KIAA1328: variants seen among roughly 807,000 people sequenced by gnomAD.
The protein encoded by KIAA1328 is KIAA1328.
In KIAA1328, 52 loss-of-function variants were observed where a neutral mutation model predicts 68.1. The observed-to-expected ratio is 0.76, with a 90% CI of 0.61 to 0.96. KIAA1328 has a LOEUF of 0.96. KIAA1328 is among the 40% of genes least tolerant of loss of function. The pLI is 0.00. For missense variants in KIAA1328, 641 were observed against 677.6 expected, an observed-to-expected ratio of 0.95 and a Z score of 0.60; for synonymous variants, 232 against 239.4, an observed-to-expected ratio of 0.97 and a Z score of 0.28.
At chr18:37,115,724 G>T (rs999060980) in intron 7 of KIAA1328, among the ~76,000 whole-genome samples, 1 of 152,206 alleles carries the variant, frequency 6.6e-6, no homozygotes, top group Non-Finnish European at 1.5e-5. Context: ...AAGTCAAATT[G>T]TCCCTGTTTG....
intron 7 of KIAA1328, among the ~76,000 whole-genome samples, chr18:37,089,015 G>C (rs979119910): frequency 6.6e-6 from 1 of 151,830 alleles, no homozygotes; most frequent in Non-Finnish European, 1.5e-5. Flanking sequence ...GTATATATTT[G>C]AAATCAAATT....
In KIAA1328 at chr18:37,067,285, C is replaced by G. The variant is rs776573185; in HGVS notation, c.972C>G (p.Thr324=). 1 of 1,613,964 alleles carries G rather than the reference C, an allele frequency of 6.2e-7. No homozygotes were observed. The highest frequency in any genetic ancestry group is 2.2e-5 in the East Asian group (1 of 44,886). ...RVHDSHPTNM[T]PQHPKTHPES... ...ATGACAGCCATCCTACAAACATGAC[C>G]CCTCAACATCCTAAGACACATCCAG... The change falls in exon 7 of 10, where the codon ACC becomes ACG. Residue 324 remains threonine (T), a synonymous_variant. Transcript: ENST00000280020.
intron 7 of KIAA1328, among the ~76,000 whole-genome samples, chr18:37,098,022 G>T (rs184479298): frequency 6.6e-6 from 1 of 152,306 alleles, no homozygotes; most frequent in East Asian, 1.9e-4. Flanking sequence ...TCTGCAAACA[G>T]GGACAATTTG....
intron 7 of KIAA1328, among the ~76,000 whole-genome samples, chr18:37,121,502 C>T (rs943840958): frequency 4.6e-5 from 7 of 151,824 alleles, no homozygotes; most frequent in Non-Finnish European, 1.0e-4. Context: ...TTACAAATAA[C>T]CAATTGAGAC....
intron 6 of KIAA1328, among the ~76,000 whole-genome samples, chr18:36,973,609 C>T (rs577159391): frequency 2.0e-5 from 3 of 152,046 alleles, no homozygotes; most frequent in East Asian, 1.9e-4. Context: ...TAAAATTGTG[C>T]GTACCCATTC....
intron 9 of KIAA1328, among the ~76,000 whole-genome samples, chr18:37,175,454 G>T (rs533705517): frequency 1.3e-5 from 2 of 152,232 alleles, no homozygotes; most frequent in African/African-American, 4.8e-5. Context: ...CCTTAATACT[G>T]CAGATCAGCT....
At chr18:37,139,535 C>T (rs1476112044) in intron 7 of KIAA1328, among the ~76,000 whole-genome samples, 2 of 152,072 alleles carry the variant, frequency 1.3e-5, no homozygotes, top group Non-Finnish European at 2.9e-5. Context: ...ATTATTGGAC[C>T]TGCCTTTGCT....
chr18:37,084,846 TTG>T (rs1381179209), intron 7 of KIAA1328, among the ~76,000 whole-genome samples: 1 of 152,242 alleles, frequency 6.6e-6, no homozygotes, highest in Admixed American at 6.5e-5. Flanking sequence ...CCAAACTGTT[TTG>T]TGTGATTGCT....
At chr18:36,966,494 A>C (rs2051944225) in intron 6 of KIAA1328, among the ~76,000 whole-genome samples, 1 of 152,226 alleles carries the variant, frequency 6.6e-6, no homozygotes, top group Non-Finnish European at 1.5e-5. Context: ...GCTATATTAG[A>C]GTGAATTTTC....
Position 36,982,149 on chromosome 18 carries a change from AT to A in KIAA1328, c.576+22715del, listed in dbSNP as rs901299804. Among the ~76,000 whole-genome samples, 15 of 56,022 alleles carry A rather than the reference AT, an allele frequency of 2.7e-4. No individual in the cohort carries two copies. In the East Asian group the frequency reaches 4.5e-3, roughly 17 times the overall value. 36.8% of individuals were successfully genotyped at this position (56,022 alleles called of 152,430 possible). A position where few individuals can be genotyped will look rare whatever the true frequency, so the allele number is the denominator to read the frequency against. Reference sequence around the variant, plus strand: ...ATATATTATAAAAATATAAATAAATATATATAATATATATATATAATATATA... The same window carrying A: ...ATATATTATAAAAATATAAATAAATAATATAATATATATATATAATATATA... On this transcript the variant is annotated intron_variant, in intron 6 of 9. Coordinates refer to ENST00000280020, the MANE Select transcript of KIAA1328 (RefSeq NM_020776.3).
At chr18:37,050,323 A>G (rs931924939) in intron 6 of KIAA1328, among the ~76,000 whole-genome samples, 3 of 152,032 alleles carry the variant, frequency 2.0e-5, no homozygotes, top group African/African-American at 7.2e-5. Context: ...AGTTGGCTTT[A>G]TTCTCCTTTA....
chr18:36,980,348 C>T (rs2052634311), intron 6 of KIAA1328, among the ~76,000 whole-genome samples: 1 of 152,096 alleles, frequency 6.6e-6, no homozygotes, highest in Non-Finnish European at 1.5e-5. Flanking sequence ...TCCCTTCCCA[C>T]AAGGGACAGA....
At chr18:37,186,307 C>T (rs959245287) in intron 9 of KIAA1328, among the ~76,000 whole-genome samples, 3 of 151,586 alleles carry the variant, frequency 2.0e-5, no homozygotes, top group Non-Finnish European at 4.4e-5. Flanking sequence ...TGCAGTGGCT[C>T]ACGCTCCCAA....
chr18:37,066,661 A>G (rs933013195), intron 6 of KIAA1328, among the ~76,000 whole-genome samples: 2 of 152,226 alleles, frequency 1.3e-5, no homozygotes, highest in African/African-American at 4.8e-5. Flanking sequence ...TGTAGCAGCA[A>G]CTTATTTTTC....
At position 36,871,126 on chromosome 18, in the gene KIAA1328, G is replaced by A. The variant is rs193103326; in HGVS notation, c.333-14431G>A. On this transcript the variant is annotated intron_variant, in intron 4 of 9. Coordinates refer to ENST00000280020, the MANE Select transcript of KIAA1328 (RefSeq NM_020776.3). ...AATTGAGAAGGAATATCTGGCCCAC[G>A]TGAAGGGAAGTTATGCCTAGAGGAA... 3.6e-4 allele frequency among the ~76,000 whole-genome samples: 55 copies of A among 152,254 alleles called. No individual in the cohort carries two copies. The South Asian group carries it at 0.011, about 30-fold the overall frequency.
intron 6 of KIAA1328, among the ~76,000 whole-genome samples, chr18:36,977,089 G>A (rs1174853564): frequency 6.6e-6 from 1 of 152,138 alleles, no homozygotes; most frequent in African/African-American, 2.4e-5. Flanking sequence ...GAGGCAGCAC[G>A]TTTAGAGAAT....
chr18:36,982,292 T>A (rs1023972778), intron 6 of KIAA1328, among the ~76,000 whole-genome samples: 7 of 150,594 alleles, frequency 4.6e-5, no homozygotes, highest in Non-Finnish European at 7.4e-5. Flanking sequence ...TCAGTGAACC[T>A]CAAACACATG....
chr18:36,857,500 C>A (rs1490704066), intron 4 of KIAA1328, among the ~76,000 whole-genome samples: 1 of 152,204 alleles, frequency 6.6e-6, no homozygotes, highest in African/African-American at 2.4e-5. Flanking sequence ...TACCAGCAAG[C>A]CTCACCAAGA....
At chr18:36,920,107 C>T (rs1329871077) in intron 5 of KIAA1328, among the ~76,000 whole-genome samples, 6 of 152,128 alleles carry the variant, frequency 3.9e-5, no homozygotes, top group African/African-American at 1.4e-4. Context: ...CTTGTAGGAA[C>T]TCGGTCATAA....
Sources: allele counts gnomAD v4.1 joint callset (sites outside exome capture counted in the v4.1 genomes callset), GRCh38; gene constraint gnomAD v4.1.1; transcripts MANE v1.5; gene names NCBI Gene and HGNC (gene_info 2026-07-23, HGNC 2026-07-21).